Variants in MACF1 observed in about 807,000 individuals in gnomAD.
MACF1 encodes the protein microtubule actin crosslinking factor 1.
A neutral mutation model predicts 854.8 loss-of-function variants in MACF1; 193 were observed. The observed-to-expected ratio is 0.23, with a 90% confidence interval of 0.20 to 0.25. MACF1 has a LOEUF of 0.25. Among genes scored for constraint, MACF1 ranks in the 10% least tolerant of loss-of-function variants. The pLI, the probability that MACF1 is intolerant of heterozygous loss-of-function variation, is 1.00. For synonymous variants in MACF1, 3,185 were observed against 3,226.7 expected (o/e 0.99, Z 0.44); for missense variants, 7,722 against 8,929.1 (o/e 0.86, Z 5.45).
intron 20 of MACF1, among the ~76,000 whole-genome samples, chr1:39,296,083 C>T (rs1185954070): frequency 6.6e-6 from 1 of 152,204 alleles, no homozygotes; most frequent in Non-Finnish European, 1.5e-5. Context: ...TTCATCTTAT[C>T]TTGCCTGTCT....
Position 39,353,190 on chromosome 1 carries a change from C to A in MACF1, c.11383C>A (p.Gln3795Lys). 1 of 1,610,350 alleles carries A rather than the reference C, an allele frequency of 6.2e-7. No individual in the cohort carries two copies. Among genetic ancestry groups the A allele is most frequent in the South Asian group, 1.1e-5 (1 of 91,012 alleles). ...CACTGATGGTTACATGGGGGTGAAT[C>A]AAGCCCCAGAGAAACTGGACAAGCA... The part of the protein sequence containing the change: ...DTTDGYMGVN[Q>K]APEKLDKQCE... Residue 3795 changes from glutamine (Q) to lysine (K), a missense_variant, in exon 44 of 101, where the codon CAA becomes AAA. Coordinates refer to ENST00000564288, the MANE Select transcript of MACF1 (RefSeq NM_001394062.1).
intron 89 of MACF1, chr1:39,456,914 C>T (rs1045981314): frequency 2.6e-5 from 4 of 152,238 alleles, no homozygotes; most frequent in Non-Finnish European, 5.9e-5. Flanking sequence ...TCATCCCTTC[C>T]CAAAACTTCC....
At chr1:39,397,503 A>G (rs1012582199) in intron 58 of MACF1, among the ~76,000 whole-genome samples, 1 of 151,980 alleles carries the variant, frequency 6.6e-6, no homozygotes, top group Non-Finnish European at 1.5e-5. Flanking sequence ...CAGAGGTTGC[A>G]GTGAGCTGAG....
chr1:39,475,863 A>C (rs28659923), intron 97 of MACF1, among the ~76,000 whole-genome samples: 14 of 151,782 alleles, frequency 9.2e-5, no homozygotes, highest in African/African-American at 2.9e-4. Context: ...TCACCAGGTC[A>C]AGTCTAAGGG....
At chr1:39,257,403 C>T (rs2265408) in intron 5 of MACF1, 108,832 of 151,960 alleles carry the variant, frequency 0.72, 39,092 homozygotes, top group South Asian at 0.84. Flanking sequence ...CCCAGGTTCA[C>T]GCCATTCTCC....
At chr1:39,318,753 C>A in intron 30 of MACF1, 138 bp downstream of exon 30, 1 of 948,458 alleles carries the variant, frequency 1.1e-6, no homozygotes, top group Non-Finnish European at 1.5e-6. Context: ...GTGGTTTGAG[C>A]AGGATCGTCC....
intron 98 of MACF1, 182 bp downstream of exon 98, chr1:39,480,191 C>T (rs1644988440): frequency 4.4e-6 from 2 of 456,324 alleles, no homozygotes; most frequent in Admixed American, 3.9e-5. Flanking sequence ...TAGCAGTACA[C>T]AGATATATGG....
chr1:39,448,276 G>A, intron 83 of MACF1, 124 bp downstream of exon 83: 1 of 1,123,354 alleles, frequency 8.9e-7, no homozygotes, highest in Non-Finnish European at 1.3e-6. Context: ...AAGTCAAAAT[G>A]ATGAAGCCAG....
At chr1:39,251,689 C>G (rs1041343030) in intron 3 of MACF1, among the ~76,000 whole-genome samples, 157 bp from the exon 4 acceptor site, 7 of 152,178 alleles carry the variant, frequency 4.6e-5, no homozygotes, top group Admixed American at 4.6e-4. Flanking sequence ...ACCATCTGCT[C>G]TGGTTTTGAT....
chr1:39,285,892 C>T, intron 14 of MACF1, 134 bp downstream of exon 14: 1 of 936,484 alleles, frequency 1.1e-6, no homozygotes, highest in Non-Finnish European at 1.6e-6. Context: ...GGGGATACTA[C>T]AGGTCTCTTG....
chr1:39,284,504 T>C, intron 11 of MACF1, 76 bp downstream of exon 11: 1 of 911,850 alleles, frequency 1.1e-6, no homozygotes, highest in Non-Finnish European at 1.6e-6. Flanking sequence ...TATAGATTCC[T>C]TGTATTCTTT....
At chr1:39,251,352 C>T (rs1645038726) in intron 3 of MACF1, among the ~76,000 whole-genome samples, 1 of 152,174 alleles carries the variant, frequency 6.6e-6, no homozygotes, top group Non-Finnish European at 1.5e-5. Context: ...TTCTTCACCA[C>T]TCACACAGTT....
At position 39,324,241 on chromosome 1, in the gene MACF1, C is replaced by T. The variant is rs777565608; in HGVS notation, c.4285C>T (p.Leu1429Phe). ...AGAACATGTGGAGAAGGTTAAAGAACTTTTGGGCTGGGTGTCTACCCTAGC... is the reference window on the plus strand; with the variant it reads ...AGAACATGTGGAGAAGGTTAAAGAATTTTTGGGCTGGGTGTCTACCCTAGC... The part of the protein sequence containing the change: ...KQEHVEKVKE[L>F]LGWVSTLARN... Residue 1429 changes from leucine (L) to phenylalanine (F), a missense_variant, in exon 34 of 101, where the codon CTT becomes TTT. Physicochemically the swap from Leu to Phe is conservative, Grantham distance 22. Around this residue, in one of 15 missense-constraint regions of MACF1, gnomAD observed 1,137 missense variants for 1,263.0 expected, o/e 0.90. Coordinates refer to ENST00000564288, the MANE Select transcript of MACF1 (RefSeq NM_001394062.1). The T allele has an allele frequency of 1.2e-6, 2 of 1,612,890 alleles. No homozygotes were observed. Among genetic ancestry groups the T allele is most frequent in the Non-Finnish European group, 1.7e-6 (2 of 1,179,420 alleles).
intron 2 of MACF1, among the ~76,000 whole-genome samples, chr1:39,194,004 T>C (rs1557510464): frequency 6.6e-6 from 1 of 151,994 alleles, no homozygotes; most frequent in African/African-American, 2.4e-5. Flanking sequence ...TGGGTAATTT[T>C]GTATTTTTAA....
At chr1:39,187,743 A>G (rs534462574) in intron 2 of MACF1, among the ~76,000 whole-genome samples, 24 of 152,250 alleles carry the variant, frequency 1.6e-4, no homozygotes, top group African/African-American at 5.1e-4. Context: ...TAGAAATGAG[A>G]TCTCGCTATG....
chr1:39,268,527 G>A, intron 6 of MACF1: 2 of 1,156,280 alleles, frequency 1.7e-6, no homozygotes, highest in South Asian at 1.8e-5. Flanking sequence ...ATCGGCAGCG[G>A]CTGGAAGAGA....
intron 52 of MACF1, among the ~76,000 whole-genome samples, chr1:39,378,194 CAGAGAATTCAAGTTGG>C (rs938293330): frequency 2.0e-5 from 3 of 152,208 alleles, no homozygotes; most frequent in South Asian, 4.2e-4. Flanking sequence ...GGGCGGCATC[CAGAGAATTCAAGTTGG>C]AGATTTAATA....
chr1:39,380,453 A>G (rs566435966), intron 55 of MACF1, 80 bp downstream of exon 55: 1 of 1,379,468 alleles, frequency 7.2e-7, no homozygotes, highest in Admixed American at 2.2e-5. Flanking sequence ...ACATCCTATA[A>G]AACAGGAATT....
intron 2 of MACF1, among the ~76,000 whole-genome samples, chr1:39,126,526 G>T (rs1291456432): frequency 6.6e-6 from 1 of 152,200 alleles, no homozygotes; most frequent in African/African-American, 2.4e-5. Flanking sequence ...GGTGGCTCAT[G>T]CCTGTAATCC....
Sources: gnomAD v4.1 joint callset for allele counts (sites outside exome capture counted in the v4.1 genomes callset) on GRCh38, gnomAD v4.1.1 for gene constraint, gnomAD v4.1.1 regional missense constraint, MANE v1.5 for transcripts, NCBI Gene and HGNC (gene_info 2026-07-23, HGNC 2026-07-21) for gene names.